Variants in BLK observed in about 807,000 individuals in gnomAD.
The protein encoded by BLK is BLK proto-oncogene, Src family tyrosine kinase.
A neutral mutation model predicts 61.8 loss-of-function variants in BLK; 64 were observed. The ratio of observed to expected loss-of-function variants is 1.03; its 90% CI spans 0.85 to 1.27. BLK has a LOEUF of 1.27. Ranked by LOEUF, BLK falls within the 50% of genes most tolerant of loss-of-function variation. The probability of loss-of-function intolerance (pLI) is 0.00; values close to 1 mark genes in which losing one functional copy is unlikely to be tolerated. For synonymous variants in BLK, 351 were observed against 272.0 expected (o/e 1.29, Z -2.86); for missense variants, 853 against 660.5 (o/e 1.29, Z -3.19).
At chr8:11,502,533 C>G (rs1292055311) in intron 1 of BLK, among the ~76,000 whole-genome samples, 1 of 152,146 alleles carries the variant, frequency 6.6e-6, no homozygotes, top group Non-Finnish European at 1.5e-5. Flanking sequence ...AGTGATCTGC[C>G]CAGTTCGGCC....
intron 8 of BLK, 131 bp downstream of exon 8, chr8:11,555,615 G>A (rs1358715996): frequency 1.3e-5 from 18 of 1,394,616 alleles, no homozygotes; most frequent in South Asian, 6.2e-5. Context: ...GGACAGAGGC[G>A]AGGACACTCA....
intron 1 of BLK, among the ~76,000 whole-genome samples, chr8:11,540,407 A>C (rs944184484): frequency 6.6e-6 from 1 of 152,120 alleles, no homozygotes. Flanking sequence ...TTATTATTCC[A>C]ATTTCATGCG....
At chr8:11,508,937 C>A (rs963837349) in intron 1 of BLK, among the ~76,000 whole-genome samples, 1 of 152,154 alleles carries the variant, frequency 6.6e-6, no homozygotes, top group Non-Finnish European at 1.5e-5. Context: ...ATGCTGGGCG[C>A]CTTTTGTGCC....
intron 1 of BLK, 43 bp from the exon 2 acceptor site, chr8:11,543,181 C>T: frequency 1.2e-6 from 2 of 1,612,338 alleles, no homozygotes; most frequent in Non-Finnish European, 8.5e-7. Flanking sequence ...GGATCTGAGG[C>T]CCCGCTCTCT....
chr8:11,544,517 A>T lies in BLK; in HGVS notation c.123+1170A>T, dbSNP rs555431457. Among the ~76,000 whole-genome samples the T allele has an allele frequency of 1.5e-3, 225 of 152,266 alleles. 4 individuals are homozygous for T. The highest frequency in any genetic ancestry group is 4.3e-4 in the Non-Finnish European group (29 of 68,006). On this transcript the variant is annotated intron_variant, in intron 2 of 12. Transcript: ENST00000259089. ...GCGCCAGTCTCAGCGCACAACCACA[A>T]GATGTTTATTGAATAAATAATTGAT...
intron 9 of BLK, 139 bp from the exon 10 acceptor site, chr8:11,557,823 T>C (rs980347804): frequency 1.4e-6 from 1 of 726,582 alleles, no homozygotes; most frequent in East Asian, 2.7e-5. Context: ...AGGTAGATCC[T>C]TCCTGATGCA....
At chr8:11,497,131 A>T (rs1342285805) in intron 1 of BLK, among the ~76,000 whole-genome samples, 4 of 152,206 alleles carry the variant, frequency 2.6e-5, no homozygotes, top group East Asian at 1.9e-4. Context: ...GAGGAGGAAG[A>T]AAAAATGATG....
In BLK at chr8:11,520,987, C is replaced by G. The variant is rs546612165; in HGVS notation, c.-1-22237C>G. On this transcript the variant is annotated intron_variant, in intron 1 of 12. Coordinates refer to ENST00000259089, the MANE Select transcript of BLK (RefSeq NM_001715.3). ...TCAAAATTATAGCCTTAAGTTAAAT[C>G]AGAAAAATGAATGAGAAAGAATAAT... Among the ~76,000 whole-genome samples, 11 of 151,912 alleles carry G rather than the reference C, an allele frequency of 7.2e-5. No individual in the cohort carries two copies. In the South Asian group the frequency reaches 2.3e-3, roughly 32 times the overall value.
At chr8:11,563,155 C>T (rs989565602) in intron 12 of BLK, 45 bp downstream of exon 12, 18 of 1,612,246 alleles carry the variant, frequency 1.1e-5, no homozygotes, top group Admixed American at 3.3e-5. Flanking sequence ...CTTTCCCGGC[C>T]GGCCCTGATG....
chr8:11,551,999 G>C (rs965568884), intron 6 of BLK, among the ~76,000 whole-genome samples: 7 of 152,224 alleles, frequency 4.6e-5, no homozygotes, highest in African/African-American at 1.7e-4. Context: ...ACAGGGACCA[G>C]GTACAGCCTT....
chr8:11,564,477 G>T lies in BLK; in HGVS notation c.*369G>T, dbSNP rs1801640977. The T allele has an allele frequency of 1.9e-6, 1 of 529,972 alleles. No homozygotes were observed. Among genetic ancestry groups the T allele is most frequent in the South Asian group, 1.5e-5 (1 of 65,122 alleles). 32.8% of individuals were successfully genotyped at this position (529,972 alleles called of 1,614,324 possible). ...CGTCCCCGCCTCTGCGCCCTGCGTGGACCCCGCCCTGCCCCGCTACAGAAG... is the reference window on the plus strand; with the variant it reads ...CGTCCCCGCCTCTGCGCCCTGCGTGTACCCCGCCCTGCCCCGCTACAGAAG... On this transcript the variant is annotated 3_prime_UTR_variant, in exon 13 of 13. Transcript: ENST00000259089.
Position 11,550,239 on chromosome 8 carries a change from T to A in BLK, c.449T>A (p.Ile150Asn), listed in dbSNP as rs200916733. The change falls in exon 6 of 13, where the codon ATC (isoleucine) becomes AAC (asparagine). Residue 150 changes from isoleucine (I) to asparagine (N), a missense_variant. By Grantham distance (149) the Ile-to-Asn change is moderately radical. Transcript: ENST00000259089. Reference protein sequence around the residue: ...APINKAGSFLIRESETNKGAF... With the variant: ...APINKAGSFLNRESETNKGAF... Reference sequence around the variant, plus strand: ...ATCAACAAGGCCGGCTCCTTTCTTATCAGAGAGAGTGAAACCAACAAAGGT... The same window carrying A: ...ATCAACAAGGCCGGCTCCTTTCTTAACAGAGAGAGTGAAACCAACAAAGGT... 19 of 1,613,966 alleles carry A rather than the reference T, an allele frequency of 1.2e-5. No individual in the cohort carries two copies. The Admixed American group carries it at 3.2e-4, about 27-fold the overall frequency.
chr8:11,532,835 G>C (rs372472212), intron 1 of BLK, among the ~76,000 whole-genome samples: 2 of 152,328 alleles, frequency 1.3e-5, no homozygotes, highest in African/African-American at 4.8e-5. Context: ...GAATATTATC[G>C]TGTTTCTTTA....
intron 2 of BLK, 170 bp from the exon 3 acceptor site, chr8:11,545,882 G>A (rs1046017254): frequency 1.2e-5 from 9 of 766,072 alleles, no homozygotes; most frequent in Non-Finnish European, 1.9e-5. Context: ...TGAGGGTAGT[G>A]CTGGTCCCTG....
At chr8:11,535,922 C>G (rs1281318684) in intron 1 of BLK, among the ~76,000 whole-genome samples, 2 of 152,226 alleles carry the variant, frequency 1.3e-5, no homozygotes, top group African/African-American at 4.8e-5. Context: ...TTCTATAGGA[C>G]TGGCCTTTAC....
At chr8:11,515,793 T>C (rs1000371894) in intron 1 of BLK, among the ~76,000 whole-genome samples, 4 of 152,170 alleles carry the variant, frequency 2.6e-5, no homozygotes, top group Admixed American at 6.5e-5. Flanking sequence ...GTCTGTGTTC[T>C]TCAGAACAGT....
intron 3 of BLK, 63 bp downstream of exon 3, chr8:11,546,166 G>C (rs924149175): frequency 1.3e-6 from 2 of 1,589,316 alleles, no homozygotes; most frequent in Admixed American, 3.3e-5. Context: ...GCAGCTTTGT[G>C]GAGTTGGAAA....
intron 1 of BLK, among the ~76,000 whole-genome samples, chr8:11,498,578 C>A (rs116012069): frequency 6.6e-6 from 1 of 152,226 alleles, no homozygotes; most frequent in Non-Finnish European, 1.5e-5. Context: ...GCAGCCACAT[C>A]TGAGTGGTCT....
intron 8 of BLK, 67 bp downstream of exon 8, chr8:11,555,551 T>C: frequency 6.2e-7 from 1 of 1,606,098 alleles, no homozygotes; most frequent in South Asian, 1.1e-5. Context: ...TGAGTCCAGG[T>C]TCAGCATTTT....
Sources: allele counts gnomAD v4.1 joint callset (sites outside exome capture counted in the v4.1 genomes callset), GRCh38; gene constraint gnomAD v4.1.1; transcripts MANE v1.5; gene names NCBI Gene and HGNC (gene_info 2026-07-23, HGNC 2026-07-21).